The following RBMS1 variants were observed in gnomAD, a reference collection of about 807,000 sequenced individuals.
RBMS1 encodes the protein RNA-binding motif, single-stranded-interacting protein 1.
A neutral mutation model predicts 62.3 loss-of-function variants in RBMS1; 17 were observed. The observed-to-expected ratio is 0.27, with a 90% CI of 0.19 to 0.41. The LOEUF (loss-of-function observed/expected upper bound fraction) is 0.41, where lower values mean the gene tolerates loss of function less well. Ranked by LOEUF, RBMS1 falls within the 10% of genes least tolerant of loss-of-function variation. The pLI is 1.00. For missense variants in RBMS1, 334 were observed against 504.5 expected (o/e 0.66, Z 3.24); for synonymous variants, 172 against 170.0 (o/e 1.01, Z -0.09).
chr2:160,298,517 C>A (rs1346984551), intron 6 of RBMS1, among the ~76,000 whole-genome samples: 2 of 152,034 alleles, frequency 1.3e-5, no homozygotes, highest in Non-Finnish European at 2.9e-5. Flanking sequence ...CAATTAAAAG[C>A]AGATAGAAGA....
chr2:160,459,350 T>A (rs1268189361), intron 1 of RBMS1, among the ~76,000 whole-genome samples: 1 of 152,236 alleles, frequency 6.6e-6, no homozygotes, highest in Non-Finnish European at 1.5e-5. Flanking sequence ...TTTCTGCTTC[T>A]AAGATTTACA....
intron 1 of RBMS1, among the ~76,000 whole-genome samples, chr2:160,488,590 A>G (rs1254234953): frequency 1.3e-5 from 2 of 152,190 alleles, no homozygotes; most frequent in East Asian, 3.8e-4. Context: ...ATAAATAAAT[A>G]AAACAGCAGA....
intron 1 of RBMS1, among the ~76,000 whole-genome samples, chr2:160,426,048 C>T (rs986319014): frequency 1.3e-5 from 2 of 152,018 alleles, no homozygotes; most frequent in Admixed American, 1.3e-4. Context: ...ACCACCTGCT[C>T]ATTTAAGGCA....
rs1300020333 is a variant in RBMS1 at position 160,284,998 on chromosome 2, T to C, written c.803A>G (p.Asn268Ser). The C allele has an allele frequency of 1.2e-6, 2 of 1,612,772 alleles. No individual in the cohort carries two copies. The highest frequency in any genetic ancestry group is 1.7e-6 in the Non-Finnish European group (2 of 1,178,828). ...TYDPTTAAIQ[N>S]GFYPSPYSIA... is the part of the protein sequence containing the mutation. ...TGGATTTATTTTAACGACATACCCG[T>C]TCTGTATAGCAGCTGTAGTTGGGTC... The change falls in exon 8 of 14, where the codon AAC becomes AGC. Residue 268 changes from asparagine to serine, a missense_variant. This residue lies in a region of RBMS1 where 182 missense variants were observed against 257.7 expected (regional missense o/e 0.71). Coordinates refer to ENST00000348849, the MANE Select transcript of RBMS1 (RefSeq NM_016836.4).
chr2:160,279,038 T>C (rs1687977562), intron 10 of RBMS1: 2 of 161,022 alleles, frequency 1.2e-5, no homozygotes, highest in Non-Finnish European at 2.7e-5. Flanking sequence ...CAAAACGCTT[T>C]CTTAAAAAAA....
At chr2:160,369,754 G>C (rs1007898060) in intron 1 of RBMS1, among the ~76,000 whole-genome samples, 1 of 152,130 alleles carries the variant, frequency 6.6e-6, no homozygotes, top group African/African-American at 2.4e-5. Context: ...GAACCATCAG[G>C]CATTTTAAAG....
intron 4 of RBMS1, among the ~76,000 whole-genome samples, chr2:160,305,811 T>C (rs894142156): frequency 6.6e-6 from 1 of 152,044 alleles, no homozygotes; most frequent in African/African-American, 2.4e-5. Context: ...TGGACAGAGA[T>C]ATGGTATAAA....
intron 1 of RBMS1, among the ~76,000 whole-genome samples, chr2:160,385,994 A>C (rs1694550727): frequency 6.6e-6 from 1 of 152,170 alleles, no homozygotes; most frequent in Non-Finnish European, 1.5e-5. Context: ...ATGTGTTCTG[A>C]CTTCAAAAAG....
chr2:160,424,876 C>A (rs1214601250), intron 1 of RBMS1, among the ~76,000 whole-genome samples: 2 of 151,570 alleles, frequency 1.3e-5, no homozygotes, highest in Non-Finnish European at 2.9e-5. Context: ...AAAAAATGAG[C>A]AGCAATAGGA....
intron 6 of RBMS1, among the ~76,000 whole-genome samples, chr2:160,299,462 T>C (rs1256847748): frequency 6.6e-6 from 1 of 152,216 alleles, no homozygotes; most frequent in Non-Finnish European, 1.5e-5. Flanking sequence ...CCAATTAGTC[T>C]TGCTAGATAT....
At chr2:160,440,098 G>A (rs1332708281) in intron 1 of RBMS1, among the ~76,000 whole-genome samples, 1 of 125,518 alleles carries the variant, frequency 8.0e-6, no homozygotes, top group African/African-American at 2.9e-5. Context: ...GGGGAGAGGG[G>A]AGAGGGGAGA....
intron 1 of RBMS1, among the ~76,000 whole-genome samples, chr2:160,489,776 A>T (rs1163574962): frequency 1.3e-5 from 2 of 152,062 alleles, no homozygotes; most frequent in African/African-American, 2.4e-5. Context: ...ACAAAAACTT[A>T]AAAAAATCAA....
At chr2:160,340,619 G>C (rs1336806748) in intron 2 of RBMS1, among the ~76,000 whole-genome samples, 2 of 151,922 alleles carry the variant, frequency 1.3e-5, no homozygotes, top group African/African-American at 4.8e-5. Context: ...ATGTAGGTAA[G>C]AATTTTCTGA....
At chr2:160,481,276 T>C (rs1352092444) in intron 1 of RBMS1, among the ~76,000 whole-genome samples, 2 of 148,534 alleles carry the variant, frequency 1.3e-5, no homozygotes, top group Admixed American at 1.4e-4. Flanking sequence ...CTTGATGCTA[T>C]CCACACCAAA....
intron 1 of RBMS1, among the ~76,000 whole-genome samples, chr2:160,403,695 A>C (rs1440363204): frequency 6.6e-6 from 1 of 152,176 alleles, no homozygotes; most frequent in Non-Finnish European, 1.5e-5. Context: ...CACATGCAGA[A>C]AAATTTTGCA....
chr2:160,411,438 T>C (rs921975225), intron 1 of RBMS1, among the ~76,000 whole-genome samples: 2 of 152,150 alleles, frequency 1.3e-5, no homozygotes, highest in African/African-American at 4.8e-5. Context: ...CATTTGGCCA[T>C]GAAATGATGG....
intron 4 of RBMS1, among the ~76,000 whole-genome samples, chr2:160,309,013 T>C (rs1028835821): frequency 2.3e-4 from 35 of 152,304 alleles, no homozygotes; most frequent in African/African-American, 7.5e-4. Flanking sequence ...ATTGCTAAAA[T>C]AGAACTCTTT....
chr2:160,309,516 G>A (rs141099950), intron 4 of RBMS1, among the ~76,000 whole-genome samples: 1 of 152,260 alleles, frequency 6.6e-6, no homozygotes, highest in East Asian at 1.9e-4. Context: ...CTGCTTCGAG[G>A]GGAAGAAATT....
chr2:160,317,033 A>C (rs749625013), intron 3 of RBMS1, among the ~76,000 whole-genome samples: 4 of 152,206 alleles, frequency 2.6e-5, no homozygotes, highest in Non-Finnish European at 5.9e-5. Flanking sequence ...TAAAATATTT[A>C]TTGGGTACCA....
Sources: gnomAD v4.1 joint callset for allele counts (sites outside exome capture counted in the v4.1 genomes callset) on GRCh38, gnomAD v4.1.1 for gene constraint, gnomAD v4.1.1 regional missense constraint, MANE v1.5 for transcripts, NCBI Gene and HGNC (gene_info 2026-07-23, HGNC 2026-07-21) for gene names.